HEMK2: variants seen among roughly 807,000 people sequenced by gnomAD.
HEMK2 encodes HemK methyltransferase 2, ETF1 glutamine and histone H4 lysine, also known as methyltransferase HEMK2.
At chr21:28,829,853 T>C in the HEMK2 span, among the ~76,000 whole-genome samples, 3 of 152,224 alleles carry the variant, frequency 2.0e-5, no homozygotes, top group African/African-American at 7.2e-5. Flanking sequence ...ATACCCATTA[T>C]AATGAACGTG....
chr21:28,713,757 G>A, the HEMK2 span, among the ~76,000 whole-genome samples: 1 of 151,976 alleles, frequency 6.6e-6, no homozygotes, highest in East Asian at 1.9e-4. Flanking sequence ...GTCTACCTCC[G>A]TCTTTAGACC....
the HEMK2 span, among the ~76,000 whole-genome samples, chr21:28,868,885 A>C: frequency 1.3e-5 from 2 of 152,184 alleles, no homozygotes; most frequent in African/African-American, 4.8e-5. Context: ...TATTATAATA[A>C]GTCAGTGGTT....
the HEMK2 span, among the ~76,000 whole-genome samples, chr21:28,593,077 T>TCC: frequency 6.6e-6 from 1 of 152,232 alleles, no homozygotes; most frequent in Admixed American, 6.5e-5. Context: ...ATGCTTATAA[T>TCC]CCCAGCTACT....
chr21:28,847,934 T>C, the HEMK2 span, among the ~76,000 whole-genome samples: 2 of 152,224 alleles, frequency 1.3e-5, no homozygotes, highest in African/African-American at 2.4e-5. Context: ...TAGTCGTAGA[T>C]GCGAAACTTT....
the HEMK2 span, among the ~76,000 whole-genome samples, chr21:28,774,647 T>C: frequency 2.4e-3 from 369 of 152,324 alleles, no homozygotes; most frequent in Non-Finnish European, 4.0e-3. Context: ...CCTTGAAATA[T>C]TGTAAATTAA....
the HEMK2 span, among the ~76,000 whole-genome samples, chr21:28,793,599 G>C: frequency 6.6e-6 from 1 of 152,198 alleles, no homozygotes; most frequent in Non-Finnish European, 1.5e-5. Context: ...AGGATGCTGT[G>C]AGGTGAGTGG....
the HEMK2 span, among the ~76,000 whole-genome samples, chr21:28,628,443 G>T: frequency 6.6e-6 from 1 of 152,110 alleles, no homozygotes; most frequent in Non-Finnish European, 1.5e-5. Flanking sequence ...TTAGATCACA[G>T]GTTCTGCAAA....
At chr21:28,722,720 A>T in the HEMK2 span, among the ~76,000 whole-genome samples, 1 of 152,118 alleles carries the variant, frequency 6.6e-6, no homozygotes, top group African/African-American at 2.4e-5. Context: ...CGTCTCTACC[A>T]AAAATACAAA....
chr21:28,831,682 AGAAGGAAGGAAGGAAGGAAG>A, the HEMK2 span, among the ~76,000 whole-genome samples: 2 of 20,332 alleles, frequency 9.8e-5, no homozygotes, highest in South Asian at 2.1e-3. Context: ...AAAGAAAGAA[AGAAGGAAGGAAGGAAGGAAG>A]GAAGGAAGGA....
At chr21:28,829,198 T>C in the HEMK2 span, among the ~76,000 whole-genome samples, 2 of 152,236 alleles carry the variant, frequency 1.3e-5, no homozygotes, top group African/African-American at 4.8e-5. Flanking sequence ...GTGAAATTGC[T>C]AATTACACAG....
At chr21:28,679,720 C>A in the HEMK2 span, among the ~76,000 whole-genome samples, 19 of 152,174 alleles carry the variant, frequency 1.2e-4, no homozygotes, top group African/African-American at 4.3e-4. Context: ...ACAGTGCAAT[C>A]GAACTAGAAC....
the HEMK2 span, among the ~76,000 whole-genome samples, chr21:28,789,572 G>A: frequency 7.9e-4 from 120 of 152,290 alleles, no homozygotes; most frequent in Non-Finnish European, 1.6e-3. Context: ...CTAATGCCTT[G>A]GGGTAGAAGT....
chr21:28,607,572 C>T, the HEMK2 span, among the ~76,000 whole-genome samples: 3 of 152,184 alleles, frequency 2.0e-5, no homozygotes, highest in African/African-American at 4.8e-5. Flanking sequence ...TATGACTCTA[C>T]TCCTTCACTC....
the HEMK2 span, among the ~76,000 whole-genome samples, chr21:28,675,054 CT>C: frequency 5.3e-5 from 8 of 152,180 alleles, no homozygotes; most frequent in African/African-American, 1.9e-4. Context: ...CATTAGCTAC[CT>C]AAGGACCTAC....
chr21:28,613,314 A>G, the HEMK2 span, among the ~76,000 whole-genome samples: 1 of 152,104 alleles, frequency 6.6e-6, no homozygotes, highest in Non-Finnish European at 1.5e-5. Context: ...CTCTAGAATC[A>G]AGAACTTCTA....
At chr21:28,719,438 C>A in the HEMK2 span, among the ~76,000 whole-genome samples, 1 of 152,148 alleles carries the variant, frequency 6.6e-6, no homozygotes, top group Non-Finnish European at 1.5e-5. Flanking sequence ...AATGGGAGTT[C>A]TCCTGCACAA....
chr21:28,788,138 G>A, the HEMK2 span, among the ~76,000 whole-genome samples: 2 of 143,302 alleles, frequency 1.4e-5, no homozygotes, highest in Non-Finnish European at 3.0e-5. Flanking sequence ...GTGTATATAT[G>A]TAAATATACA....
the HEMK2 span, among the ~76,000 whole-genome samples, chr21:28,668,603 T>C: frequency 2.0e-5 from 3 of 152,190 alleles, no homozygotes; most frequent in Non-Finnish European, 4.4e-5. Context: ...CCAGGTCCAA[T>C]AGCTATGTAA....
At chr21:28,727,610 G>C in the HEMK2 span, among the ~76,000 whole-genome samples, 2 of 152,230 alleles carry the variant, frequency 1.3e-5, no homozygotes, top group Non-Finnish European at 1.5e-5. Flanking sequence ...TGGGCCTTTA[G>C]TTTGTAGATT....
Sources: allele counts gnomAD v4.1 joint callset (sites outside exome capture counted in the v4.1 genomes callset), GRCh38; gene constraint gnomAD v4.1.1; transcripts MANE v1.5; gene names NCBI Gene and HGNC (gene_info 2026-07-23, HGNC 2026-07-21).